The following KCNH8 variants were observed in gnomAD, a reference collection of about 807,000 sequenced individuals.
The protein encoded by KCNH8 is voltage-gated delayed rectifier potassium channel KCNH8.
KCNH8 carries 70 observed loss-of-function variants against 103.6 expected under a neutral mutation model. The observed-to-expected ratio is 0.68, with a 90% CI of 0.56 to 0.82. The LOEUF (loss-of-function observed/expected upper bound fraction) is 0.82, where lower values mean the gene tolerates loss of function less well. KCNH8 is among the 40% of genes least tolerant of loss of function. The probability of loss-of-function intolerance (pLI) is 0.00; values close to 1 mark genes in which losing one functional copy is unlikely to be tolerated. For synonymous variants in KCNH8, 498 were observed against 489.4 expected, an observed-to-expected ratio of 1.02 and a Z score of -0.23; for missense variants, 1,217 against 1,329.9, an observed-to-expected ratio of 0.92 and a Z score of 1.32.
chr3:19,315,523 A>T (rs1201792453), intron 3 of KCNH8, among the ~76,000 whole-genome samples: 1 of 152,008 alleles, frequency 6.6e-6, no homozygotes, highest in Non-Finnish European at 1.5e-5. Flanking sequence ...CACATAGTAG[A>T]TAGAGGTAGA....
intron 11 of KCNH8, among the ~76,000 whole-genome samples, chr3:19,466,315 C>G (rs2067735399): frequency 6.6e-6 from 1 of 152,090 alleles, no homozygotes; most frequent in Non-Finnish European, 1.5e-5. Context: ...GAAATGACAA[C>G]AAAGGATTTA....
intron 3 of KCNH8, among the ~76,000 whole-genome samples, chr3:19,340,538 A>G (rs970499759): frequency 6.6e-6 from 1 of 152,044 alleles, no homozygotes; most frequent in African/African-American, 2.4e-5. Context: ...TAATGACTAA[A>G]TATTTCTTAA....
chr3:19,427,949 T>C (rs1390375435), intron 7 of KCNH8, among the ~76,000 whole-genome samples: 1 of 152,164 alleles, frequency 6.6e-6, no homozygotes, highest in Non-Finnish European at 1.5e-5. Flanking sequence ...ATGAAAGAGA[T>C]GAAGTCAGTC....
At chr3:19,258,071 A>G (rs1575474501) in intron 2 of KCNH8, among the ~76,000 whole-genome samples, 1 of 151,798 alleles carries the variant, frequency 6.6e-6, no homozygotes, top group Non-Finnish European at 1.5e-5. Context: ...ATTTGGTCCT[A>G]CTCTAATGAC....
At chr3:19,371,699 G>C (rs1390912008) in intron 5 of KCNH8, among the ~76,000 whole-genome samples, 1 of 150,706 alleles carries the variant, frequency 6.6e-6, no homozygotes, top group African/African-American at 2.5e-5. Context: ...CCTATGTCCT[G>C]AATGGTAATG....
chr3:19,312,369 A>G (rs114908282), intron 3 of KCNH8, among the ~76,000 whole-genome samples: 1,698 of 152,042 alleles, frequency 0.011, 26 homozygotes, highest in African/African-American at 0.038. Flanking sequence ...GTGAAATAGT[A>G]TACTATAGTG....
At chr3:19,502,491 C>G (rs2068606811) in intron 11 of KCNH8, among the ~76,000 whole-genome samples, 2 of 152,162 alleles carry the variant, frequency 1.3e-5, no homozygotes, top group Admixed American at 1.3e-4. Context: ...AAGAACAAAG[C>G]TGGAGGCATC....
At position 19,274,847 on chromosome 3, in the gene KCNH8, T is replaced by TCCCCTCCCCA. The variant is rs1285098028; in HGVS notation, c.311-6342_311-6341insACCCCTCCCC. Among the ~76,000 whole-genome samples, 39 of 5,498 alleles carry TCCCCTCCCCA rather than the reference T, an allele frequency of 7.1e-3. 1 individual carries two copies. Among genetic ancestry groups the TCCCCTCCCCA allele is most frequent in the African/African-American group, 0.035 (36 of 1,028 alleles). The allele number at this position is 5,498 out of a possible 152,430, so 3.6% of individuals were successfully genotyped here. A position where few individuals can be genotyped will look rare whatever the true frequency, so the allele number is the denominator to read the frequency against. The stretch of plus-strand genomic sequence containing the variant: ...TTCCCTTCCCTCCCCTCCCCACCCC[T>TCCCCTCCCCA]CCCCTCCCCTCCCCACCCCTCCCCT... On this transcript the variant is annotated intron_variant, in intron 2 of 15. Coordinates refer to ENST00000328405, the MANE Select transcript of KCNH8 (RefSeq NM_144633.3).
At chr3:19,410,346 G>C (rs1267592290) in intron 7 of KCNH8, among the ~76,000 whole-genome samples, 1 of 152,006 alleles carries the variant, frequency 6.6e-6, no homozygotes, top group East Asian at 1.9e-4. Context: ...TGAAATAAAT[G>C]AAAACAGAAA....
chr3:19,395,350 TTAAA>T, intron 7 of KCNH8, 39 bp downstream of exon 7: 15 of 1,451,730 alleles, frequency 1.0e-5, no homozygotes, highest in Non-Finnish European at 1.4e-5. Flanking sequence ...ATTTTTTAAT[TTAAA>T]AAAAAAGAGT....
intron 7 of KCNH8, among the ~76,000 whole-genome samples, chr3:19,420,311 T>C (rs2066931995): frequency 6.6e-6 from 1 of 152,240 alleles, no homozygotes; most frequent in Non-Finnish European, 1.5e-5. Flanking sequence ...TTTTGCTATA[T>C]TGAAGCCAGT....
At chr3:19,178,896 A>G (rs192450172) in intron 1 of KCNH8, among the ~76,000 whole-genome samples, 2 of 152,306 alleles carry the variant, frequency 1.3e-5, no homozygotes, top group Admixed American at 6.5e-5. Flanking sequence ...CTCCTGAGGC[A>G]GGAGGCTGTG....
intron 11 of KCNH8, among the ~76,000 whole-genome samples, chr3:19,470,391 T>G (rs1282183679): frequency 6.6e-6 from 1 of 152,230 alleles, no homozygotes; most frequent in African/African-American, 2.4e-5. Context: ...CATTCTTCTC[T>G]CCTTCAGTAG....
chr3:19,281,353 T>G, intron 3 of KCNH8, 24 bp downstream of exon 3: 3 of 1,568,602 alleles, frequency 1.9e-6, no homozygotes, highest in East Asian at 4.5e-5. Context: ...TCAGAAAACA[T>G]TGACAGATGG....
chr3:19,169,700 T>C (rs1206668826), intron 1 of KCNH8, among the ~76,000 whole-genome samples: 1 of 152,178 alleles, frequency 6.6e-6, no homozygotes, highest in African/African-American at 2.4e-5. Context: ...TTTTCAGACC[T>C]CAACAGAAAT....
chr3:19,335,413 T>C (rs1317210484), intron 3 of KCNH8, among the ~76,000 whole-genome samples: 1 of 146,446 alleles, frequency 6.8e-6, no homozygotes, highest in African/African-American at 2.6e-5. Flanking sequence ...TAAGTGAAAG[T>C]AGTATATGTG....
chr3:19,254,861 G>A (rs1466323327), intron 2 of KCNH8, among the ~76,000 whole-genome samples: 3 of 152,086 alleles, frequency 2.0e-5, no homozygotes, highest in African/African-American at 7.2e-5. Flanking sequence ...AGATATATGA[G>A]AAGGAGTATT....
At chr3:19,448,292 T>C (rs1011696323) in intron 8 of KCNH8, among the ~76,000 whole-genome samples, 5 of 151,972 alleles carry the variant, frequency 3.3e-5, no homozygotes, top group African/African-American at 1.2e-4. Flanking sequence ...AATTAGGAAG[T>C]AGCAAAATCA....
At chr3:19,314,171 T>C (rs1347046458) in intron 3 of KCNH8, among the ~76,000 whole-genome samples, 1 of 152,010 alleles carries the variant, frequency 6.6e-6, no homozygotes, top group Non-Finnish European at 1.5e-5. Context: ...TTATATTTTC[T>C]TTTTTGTTTG....
Sources: allele counts gnomAD v4.1 joint callset (sites outside exome capture counted in the v4.1 genomes callset), GRCh38; gene constraint gnomAD v4.1.1; transcripts MANE v1.5; gene names NCBI Gene and HGNC (gene_info 2026-07-23, HGNC 2026-07-21).